TAF1B: variants seen among roughly 807,000 people sequenced by gnomAD.
TAF1B encodes the protein TATA-box binding protein associated factor, RNA polymerase I subunit B.
A neutral mutation model predicts 83.9 loss-of-function variants in TAF1B; 61 were observed. That is an observed-to-expected ratio of 0.73 (90% CI 0.59 to 0.90). TAF1B has a LOEUF of 0.90. Ranked by LOEUF, TAF1B falls within the 40% of genes least tolerant of loss-of-function variation. The pLI, the probability that TAF1B is intolerant of heterozygous loss-of-function variation, is 0.00. For synonymous variants in TAF1B, 221 were observed against 224.6 expected (o/e 0.98, Z 0.14); for missense variants, 625 against 677.0 (o/e 0.92, Z 0.85).
chr2:9,896,926 C>A (rs1355941277), intron 8 of TAF1B, among the ~76,000 whole-genome samples: 1 of 152,148 alleles, frequency 6.6e-6, no homozygotes, highest in African/African-American at 2.4e-5. Flanking sequence ...CAGCCATCTC[C>A]TTTTTCTGAG....
rs1036992643 is a variant in TAF1B, at chr2:9,843,579, G to C, written c.18+20G>C. ...GAGGCGGTAAGGAGGCGGTGCACCTGGCGGGCCACGATCGCCGGGGCCGGA... is the reference window on the plus strand; with the variant it reads ...GAGGCGGTAAGGAGGCGGTGCACCTCGCGGGCCACGATCGCCGGGGCCGGA... On this transcript the variant is annotated intron_variant, in intron 1 of 14. Coordinates refer to ENST00000263663, the MANE Select transcript of TAF1B (RefSeq NM_005680.3). 4.0e-6 allele frequency: 6 copies of C among 1,509,360 alleles called. No individual in the cohort carries two copies. The highest frequency in any genetic ancestry group is 5.3e-6 in the Non-Finnish European group (6 of 1,125,730). The allele number at this position is 1,509,360 out of a possible 1,614,324, so 93.5% of individuals were successfully genotyped here.
chr2:9,913,152 CT>C lies in TAF1B; in HGVS notation c.1181-4del. On this transcript the variant is annotated splice_region_variant and splice_polypyrimidine_tract_variant and intron_variant, in intron 11 of 14. Transcript: ENST00000263663. Reference sequence around the variant, plus strand: ...TGGTTAATAATCTTGGATTTTATTTCTTTCAGATAAGCCATGGTTTGATTTC... The same window carrying C: ...TGGTTAATAATCTTGGATTTTATTTCTTCAGATAAGCCATGGTTTGATTTC... 1 of 1,593,104 alleles carries C rather than the reference CT, an allele frequency of 6.3e-7. No individual in the cohort carries two copies. Among genetic ancestry groups the C allele is most frequent in the Non-Finnish European group, 8.5e-7 (1 of 1,171,854 alleles).
Position 9,854,422 on chromosome 2 carries a change from G to T in TAF1B, c.399+1G>T. The T allele has an allele frequency of 2.5e-6, 4 of 1,610,782 alleles. No individual in the cohort carries two copies. The South Asian group carries it at 4.4e-5, about 18-fold the overall frequency. ...TTATACCACTGGAAGGAAACCTACG[G>T]TAAGTCACAAGTCTGAAAAGTTGGA... On this transcript the variant is annotated splice_donor_variant, in intron 5 of 14. Transcript: ENST00000263663. LOFTEE classifies it high-confidence loss of function.
intron 14 of TAF1B, among the ~76,000 whole-genome samples, chr2:9,920,217 G>A (rs919563727): frequency 6.6e-6 from 1 of 152,236 alleles, no homozygotes; most frequent in Non-Finnish European, 1.5e-5. Flanking sequence ...CCACAGTACA[G>A]TTATCAAACT....
chr2:9,861,097 G>T (rs925035807), intron 5 of TAF1B, among the ~76,000 whole-genome samples: 5 of 152,238 alleles, frequency 3.3e-5, no homozygotes, highest in African/African-American at 1.2e-4. Flanking sequence ...CGGGACAGTG[G>T]GTGCAGGACA....
At chr2:9,852,987 T>C (rs1329009781) in intron 4 of TAF1B, among the ~76,000 whole-genome samples, 1 of 152,176 alleles carries the variant, frequency 6.6e-6, no homozygotes, top group Non-Finnish European at 1.5e-5. Context: ...GAATTAAAAA[T>C]TCAGAAGCAT....
At chr2:9,923,900 C>T (rs528789938) in intron 14 of TAF1B, among the ~76,000 whole-genome samples, 1 of 152,272 alleles carries the variant, frequency 6.6e-6, no homozygotes, top group East Asian at 1.9e-4. Flanking sequence ...TGTGCCATGC[C>T]CTGCCTCCTC....
At chr2:9,919,895 G>A in intron 14 of TAF1B, 75 bp downstream of exon 14, 1 of 1,392,878 alleles carries the variant, frequency 7.2e-7, no homozygotes, top group East Asian at 2.5e-5. Flanking sequence ...GTTTTTTGTT[G>A]GAATTAGAAG....
rs374893764 is a variant in TAF1B at position 9,905,003 on chromosome 2, C to G, written c.952C>G (p.Pro318Ala). The G allele has an allele frequency of 3.7e-6, 6 of 1,611,696 alleles. No individual in the cohort carries two copies. Among genetic ancestry groups the G allele is most frequent in the Non-Finnish European group, 5.1e-6 (6 of 1,178,060 alleles). ...GAAATACTTGATGGAAGTCAACCTC[C>G]CTGGTAAGTGTGTGACATATATTGT... ...CMKYLMEVNL[P>A]DEMHSLTCHV... Residue 318 changes from proline (P) to alanine (A), a missense_variant, in exon 9 of 15, where the codon CCT (proline) becomes GCT (alanine). Transcript: ENST00000263663.
intron 5 of TAF1B, among the ~76,000 whole-genome samples, chr2:9,866,345 T>A (rs912765389): frequency 6.6e-6 from 1 of 152,190 alleles, no homozygotes; most frequent in African/African-American, 2.4e-5. Context: ...ATGCTCATCA[T>A]CACTGGCCAT....
chr2:9,864,363 A>G (rs1252995247), intron 5 of TAF1B, among the ~76,000 whole-genome samples: 1 of 152,158 alleles, frequency 6.6e-6, no homozygotes, highest in Admixed American at 6.5e-5. Flanking sequence ...TTCCTCGACA[A>G]ATACACCTTC....
chr2:9,890,955 A>G (rs1664854038), intron 8 of TAF1B, among the ~76,000 whole-genome samples: 2 of 152,116 alleles, frequency 1.3e-5, no homozygotes, highest in African/African-American at 2.4e-5. Context: ...TATTTTTAGT[A>G]GAGATGGGGT....
chr2:9,921,695 G>A (rs1487620966), intron 14 of TAF1B, among the ~76,000 whole-genome samples: 1 of 152,164 alleles, frequency 6.6e-6, no homozygotes, highest in Non-Finnish European at 1.5e-5. Context: ...AAATTACAGA[G>A]ATAATCAGTG....
intron 7 of TAF1B, among the ~76,000 whole-genome samples, chr2:9,880,468 T>G (rs1010325964): frequency 7.3e-6 from 1 of 136,260 alleles, no homozygotes; most frequent in African/African-American, 2.6e-5. Context: ...ACAAATACTT[T>G]TCTAAAAGGA....
intron 8 of TAF1B, among the ~76,000 whole-genome samples, chr2:9,888,756 C>G (rs1180152201): frequency 7.8e-6 from 1 of 128,024 alleles, no homozygotes; most frequent in Non-Finnish European, 1.6e-5. Context: ...TATTATGTGC[C>G]TTGTCACAGT....
At position 9,875,894 on chromosome 2, in the gene TAF1B, G is replaced by A. The variant is rs1482592660; in HGVS notation, c.583G>A (p.Gly195Arg). The change falls in exon 7 of 15, where the codon GGA (glycine) becomes AGA (arginine). Residue 195 changes from glycine to arginine, a missense_variant. Physicochemically the swap from Gly to Arg is moderately radical, Grantham distance 125. Coordinates refer to ENST00000263663, the MANE Select transcript of TAF1B (RefSeq NM_005680.3). Reference protein sequence around the residue: ...ETSVCSGSLDGVEYSQRKEKG... With the variant: ...ETSVCSGSLDRVEYSQRKEKG... Reference sequence around the variant, plus strand: ...GTCTGTCTGCTCTGGATCTCTGGATGGAGTTGAATACTCACAACGAAAGGA... The same window carrying A: ...GTCTGTCTGCTCTGGATCTCTGGATAGAGTTGAATACTCACAACGAAAGGA... The A allele has an allele frequency of 6.2e-7, 1 of 1,608,458 alleles. No individual in the cohort carries two copies. The highest frequency in any genetic ancestry group is 1.7e-5 in the Admixed American group (1 of 59,938).
At chr2:9,894,372 T>C (rs899026396) in intron 8 of TAF1B, among the ~76,000 whole-genome samples, 1 of 152,120 alleles carries the variant, frequency 6.6e-6, no homozygotes, top group African/African-American at 2.4e-5. Flanking sequence ...GGCATTTGGT[T>C]AAGAGAAATT....
At chr2:9,864,739 C>T (rs1413467063) in intron 5 of TAF1B, among the ~76,000 whole-genome samples, 1 of 152,082 alleles carries the variant, frequency 6.6e-6, no homozygotes, top group Non-Finnish European at 1.5e-5. Flanking sequence ...AGCTTATCCA[C>T]CATGATCAAG....
chr2:9,850,795 G>T (rs1353142723), intron 3 of TAF1B, among the ~76,000 whole-genome samples: 1 of 152,230 alleles, frequency 6.6e-6, no homozygotes, highest in African/African-American at 2.4e-5. Context: ...TCTGTCTATT[G>T]TGGTGGCAGG....
Sources: allele counts gnomAD v4.1 joint callset (sites outside exome capture counted in the v4.1 genomes callset), GRCh38; gene constraint gnomAD v4.1.1; transcripts MANE v1.5; gene names NCBI Gene and HGNC (gene_info 2026-07-23, HGNC 2026-07-21).